Variants in THADA observed in about 807,000 individuals in gnomAD.
THADA encodes THADA armadillo repeat containing, also known as tRNA (32-2'-O)-methyltransferase regulator THADA.
THADA carries 213 observed loss-of-function variants against 219.8 expected under a neutral mutation model. The observed-to-expected ratio is 0.97, with a 90% CI of 0.87 to 1.09. THADA has a LOEUF of 1.09. Among genes scored for constraint, THADA ranks in the 50% least tolerant of loss-of-function variants. The probability of loss-of-function intolerance (pLI) is 0.00; values close to 1 mark genes in which losing one functional copy is unlikely to be tolerated. For missense variants in THADA, 2,956 were observed against 2,311.3 expected (o/e 1.28, Z -5.72); for synonymous variants, 1,018 against 828.9 (o/e 1.23, Z -3.92).
At chr2:43,569,330 T>A (rs573804217) in intron 14 of THADA, among the ~76,000 whole-genome samples, 1 of 152,320 alleles carries the variant, frequency 6.6e-6, no homozygotes, top group Non-Finnish European at 1.5e-5. Context: ...ACATCACTTC[T>A]CGGCCTTTTA....
At chr2:43,512,442 A>G (rs1440709342) in intron 22 of THADA, among the ~76,000 whole-genome samples, 1 of 152,168 alleles carries the variant, frequency 6.6e-6, no homozygotes, top group Non-Finnish European at 1.5e-5. Context: ...CCTTTTTACT[A>G]AAATTAAACA....
chr2:43,272,575 A>G (rs1266074391), intron 36 of THADA, among the ~76,000 whole-genome samples: 1 of 150,984 alleles, frequency 6.6e-6, no homozygotes, highest in African/African-American at 2.4e-5. Context: ...TATCTTAAGT[A>G]GGAGTAAGAG....
intron 29 of THADA, among the ~76,000 whole-genome samples, chr2:43,358,543 T>C (rs980384210): frequency 1.6e-4 from 24 of 152,210 alleles, no homozygotes; most frequent in African/African-American, 5.5e-4. Context: ...CCTCTGCAAA[T>C]GAGGCCAAAA....
chr2:43,268,963 CCT>C (rs1323848497), intron 36 of THADA, among the ~76,000 whole-genome samples: 2 of 152,164 alleles, frequency 1.3e-5, no homozygotes, highest in African/African-American at 4.8e-5. Context: ...TCTTGCCACC[CCT>C]GACAGAGTAG....
chr2:43,402,613 A>C (rs374633217), intron 28 of THADA, among the ~76,000 whole-genome samples: 14 of 152,304 alleles, frequency 9.2e-5, no homozygotes, highest in African/African-American at 3.1e-4. Flanking sequence ...CTCTGCCCAC[A>C]CACATCCGTA....
At chr2:43,527,422 T>C (rs1693299049) in intron 22 of THADA, among the ~76,000 whole-genome samples, 1 of 152,164 alleles carries the variant, frequency 6.6e-6, no homozygotes, top group African/African-American at 2.4e-5. Context: ...GAAAAAAATA[T>C]TTTCTACTTT....
At chr2:43,585,583 G>GAAAT (rs1264444534) in intron 7 of THADA, among the ~76,000 whole-genome samples, 40 of 151,702 alleles carry the variant, frequency 2.6e-4, no homozygotes, top group African/African-American at 8.7e-4. Context: ...TAGATAGAAA[G>GAAAT]AAATACATAA....
intron 24 of THADA, among the ~76,000 whole-genome samples, chr2:43,501,335 AAAAAG>A: frequency 2.2e-5 from 3 of 137,242 alleles, no homozygotes; most frequent in Admixed American, 1.4e-4. Context: ...AAAAAAAAAA[AAAAAG>A]AGAGACTTTT....
chr2:43,512,499 TTTTTG>T (rs987612206), intron 22 of THADA, among the ~76,000 whole-genome samples: 15 of 152,194 alleles, frequency 9.9e-5, no homozygotes, highest in Non-Finnish European at 2.2e-4. Context: ...TGTTTGTTTG[TTTTTG>T]TTTTGTTTTG....
At chr2:43,347,266 T>C (rs1433289872) in intron 29 of THADA, among the ~76,000 whole-genome samples, 1 of 152,182 alleles carries the variant, frequency 6.6e-6, no homozygotes, top group Non-Finnish European at 1.5e-5. Flanking sequence ...TGTAGGACTG[T>C]AGAGAGATTT....
At chr2:43,455,180 G>A (rs1367943257) in intron 26 of THADA, among the ~76,000 whole-genome samples, 2 of 151,892 alleles carry the variant, frequency 1.3e-5, no homozygotes, top group South Asian at 2.1e-4. Context: ...GTCAATCTCT[G>A]GCAGTGTCCT....
chr2:43,450,015 C>T (rs976952382), intron 26 of THADA, among the ~76,000 whole-genome samples: 3 of 151,992 alleles, frequency 2.0e-5, no homozygotes, highest in African/African-American at 4.8e-5. Context: ...ACTTGCCCTG[C>T]AAGAAATATA....
rs1235471940 is a variant in THADA, at chr2:43,550,023, G to A, written c.2948-655C>T. Among the ~76,000 whole-genome samples, 5 of 152,236 alleles carry A rather than the reference G, an allele frequency of 3.3e-5. No homozygotes were observed. The South Asian group carries it at 1.0e-3, about 32-fold the overall frequency. ...ATTTACAGTCTTCATATTACATTAA[G>A]TTTCATTTTTATTCCCTAAGCACTC... On this transcript the variant is annotated intron_variant, in intron 19 of 37. Coordinates refer to ENST00000405975, the MANE Select transcript of THADA (RefSeq NM_022065.5).
At chr2:43,401,082 A>C (rs1267805920) in intron 28 of THADA, among the ~76,000 whole-genome samples, 2 of 152,198 alleles carry the variant, frequency 1.3e-5, no homozygotes, top group African/African-American at 2.4e-5. Context: ...ACATTCCTTG[A>C]AAATCAGTTC....
chr2:43,556,506 G>A lies in THADA; in HGVS notation c.2513C>T (p.Thr838Ile). The change falls in exon 17 of 38, where the codon ACA becomes ATA. Residue 838 changes from threonine to isoleucine, a missense_variant. Physicochemically the swap from Thr to Ile is moderately conservative, Grantham distance 89. Transcript: ENST00000405975. ...CACACAGTCGTATGGTTTGGTGCTT[G>A]TGCTGAGCTCCAATGCTGCCTGAAA... The part of the protein sequence containing the change: ...GLFQAALELS[T>I]STKPYDCVTA... The A allele has an allele frequency of 6.2e-7, 1 of 1,613,918 alleles. No homozygotes were observed. Among genetic ancestry groups the A allele is most frequent in the African/African-American group, 1.3e-5 (1 of 75,040 alleles).
chr2:43,286,407 A>T (rs1674008899), intron 35 of THADA, among the ~76,000 whole-genome samples: 1 of 152,126 alleles, frequency 6.6e-6, no homozygotes, highest in African/African-American at 2.4e-5. Context: ...TTGTAGAAAA[A>T]AGTTTAGGGG....
chr2:43,584,643 T>C (rs1411980658), intron 7 of THADA, among the ~76,000 whole-genome samples: 1 of 152,152 alleles, frequency 6.6e-6, no homozygotes, highest in Non-Finnish European at 1.5e-5. Context: ...ATAACAATAG[T>C]ATTTCAGAAG....
intron 22 of THADA, among the ~76,000 whole-genome samples, chr2:43,522,908 G>A (rs1025815402): frequency 2.6e-5 from 4 of 151,874 alleles, no homozygotes; most frequent in Admixed American, 6.6e-5. Flanking sequence ...GCAACACAGC[G>A]AGACTCCATC....
intron 21 of THADA, among the ~76,000 whole-genome samples, chr2:43,532,220 T>C (rs1454120023): frequency 2.0e-5 from 3 of 151,894 alleles, no homozygotes. Flanking sequence ...GAGTCCAGCC[T>C]GGACAACACA....
Sources: allele counts gnomAD v4.1 joint callset (sites outside exome capture counted in the v4.1 genomes callset), GRCh38; gene constraint gnomAD v4.1.1; transcripts MANE v1.5; gene names NCBI Gene and HGNC (gene_info 2026-07-23, HGNC 2026-07-21).